GNAL: variants seen among roughly 807,000 people sequenced by gnomAD.
The protein encoded by GNAL is guanine nucleotide-binding protein G(olf) subunit alpha.
GNAL carries 18 observed loss-of-function variants against 55.1 expected under a neutral mutation model. The observed-to-expected ratio is 0.33, with a 90% confidence interval of 0.23 to 0.48. The LOEUF (loss-of-function observed/expected upper bound fraction) is 0.48, where lower values mean the gene tolerates loss of function less well. GNAL is among the 20% of genes least tolerant of loss of function. The pLI is 0.99. For missense variants in GNAL, 412 were observed against 614.1 expected (o/e 0.67, Z 3.48); for synonymous variants, 253 against 237.0 (o/e 1.07, Z -0.62).
chr18:11,819,053 C>T (rs2035028822), intron 4 of GNAL, among the ~76,000 whole-genome samples: 1 of 152,208 alleles, frequency 6.6e-6, no homozygotes, highest in Admixed American at 6.5e-5. Context: ...CGGCACCACA[C>T]TCACGTCAAG....
chr18:11,700,854 G>A (rs2031549549), intron 1 of GNAL, among the ~76,000 whole-genome samples: 1 of 152,196 alleles, frequency 6.6e-6, no homozygotes, highest in Non-Finnish European at 1.5e-5. Context: ...AGCATAAGAA[G>A]ACAATATTTT....
intron 7 of GNAL, 138 bp from the exon 8 acceptor site, chr18:11,867,030 G>A: frequency 2.8e-6 from 2 of 704,964 alleles, no homozygotes; most frequent in Non-Finnish European, 2.6e-6. Flanking sequence ...GAGTGATGGT[G>A]CAGGCCAGTG....
chr18:11,851,281 G>A (rs2035854655), intron 5 of GNAL: 3 of 500,998 alleles, frequency 6.0e-6, no homozygotes, highest in East Asian at 3.2e-5. Flanking sequence ...GAATCCCCCT[G>A]CATGCGCAGC....
chr18:11,689,850 A>T lies in GNAL; in HGVS notation c.287A>T (p.Lys96Met). The change falls in exon 1 of 12, where the codon AAG becomes ATG. Residue 96 changes from lysine to methionine, a missense_variant. Around this residue, in one of 5 missense-constraint regions of GNAL, gnomAD observed 228 missense variants for 194.8 expected, o/e 1.17. Transcript: ENST00000334049. ...GCGGCCAAGGAGCGCGAGGCGGTCA[A>T]GGAGGCGAGGAAAGTGAGCCGGGGC... ...REAAKEREAV[K>M]EARKVSRGID... 1 of 1,529,404 alleles carries T rather than the reference A, an allele frequency of 6.5e-7. No individual in the cohort carries two copies. Among genetic ancestry groups the T allele is most frequent in the Non-Finnish European group, 8.8e-7 (1 of 1,141,432 alleles). The allele number at this position is 1,529,404 out of a possible 1,614,324, so 94.7% of individuals were successfully genotyped here. A position where few individuals can be genotyped will look rare whatever the true frequency, so the allele number is the denominator to read the frequency against.
intron 1 of GNAL, among the ~76,000 whole-genome samples, chr18:11,730,528 C>T (rs964779469): frequency 2.0e-5 from 3 of 151,916 alleles, no homozygotes; most frequent in Non-Finnish European, 2.9e-5. Flanking sequence ...CTTTGGGAGG[C>T]CAACGCAGGT....
intron 4 of GNAL, among the ~76,000 whole-genome samples, chr18:11,776,683 G>A (rs2033793610): frequency 6.8e-6 from 1 of 147,468 alleles, no homozygotes; most frequent in Admixed American, 6.8e-5. Context: ...ACTCCAGCCT[G>A]GGCAACAGAG....
chr18:11,768,360 A>G (rs1369899768), intron 4 of GNAL, among the ~76,000 whole-genome samples: 3 of 152,158 alleles, frequency 2.0e-5, no homozygotes, highest in Admixed American at 1.3e-4. Flanking sequence ...CAGCACTTTC[A>G]GAGGCTGAGG....
chr18:11,746,217 C>T (rs1048169266), intron 1 of GNAL: 6 of 518,882 alleles, frequency 1.2e-5, no homozygotes, highest in African/African-American at 1.9e-5. Context: ...TAGGTACAAC[C>T]TCTGCATGCC....
chr18:11,779,136 T>C (rs1021316812), intron 4 of GNAL, among the ~76,000 whole-genome samples: 11 of 152,060 alleles, frequency 7.2e-5, no homozygotes, highest in African/African-American at 2.7e-4. Flanking sequence ...GTGGCATTCA[T>C]AGAGTGGAGA....
chr18:11,754,996 GT>G lies in GNAL; in HGVS notation c.624+1052del, dbSNP rs1568011914. Among the ~76,000 whole-genome samples, 269 of 75,392 alleles carry G rather than the reference GT, an allele frequency of 3.6e-3. 2 individuals carry two copies. Among genetic ancestry groups the G allele is most frequent in the Middle Eastern group, 0.011 (2 of 176 alleles). 49.5% of individuals were successfully genotyped at this position (75,392 alleles called of 152,430 possible). On this transcript the variant is annotated intron_variant, in intron 4 of 11. Coordinates refer to ENST00000334049, the MANE Select transcript of GNAL (RefSeq NM_182978.4). The stretch of plus-strand genomic sequence containing the variant: ...GTTACAGTGCACCAGAAGTGAGTGT[GT>G]ATGTGTGTGTGTGTGTGTGTGTGTG...
At chr18:11,753,464 T>G in intron 2 of GNAL, 164 bp from the exon 3 acceptor site, 1 of 565,904 alleles carries the variant, frequency 1.8e-6, no homozygotes. Flanking sequence ...AAGGGTGCTT[T>G]CCTTTCCCAG....
intron 5 of GNAL, among the ~76,000 whole-genome samples, chr18:11,838,573 G>C (rs1598418609): frequency 6.6e-6 from 1 of 152,122 alleles, no homozygotes; most frequent in South Asian, 2.1e-4. Flanking sequence ...GCTTTACTTG[G>C]ACACTTCAGT....
chr18:11,831,184 G>A (rs926698406), intron 5 of GNAL, among the ~76,000 whole-genome samples: 1 of 152,134 alleles, frequency 6.6e-6, no homozygotes, highest in Non-Finnish European at 1.5e-5. Context: ...AAAAATGACA[G>A]GAGAGGGAAG....
chr18:11,828,529 C>T (rs550030031), intron 5 of GNAL, among the ~76,000 whole-genome samples: 5 of 152,212 alleles, frequency 3.3e-5, no homozygotes, highest in Admixed American at 2.6e-4. Flanking sequence ...ATTCATACAC[C>T]TCTGCATTTG....
chr18:11,816,838 A>G (rs2034970527), intron 4 of GNAL, among the ~76,000 whole-genome samples: 1 of 152,022 alleles, frequency 6.6e-6, no homozygotes, highest in South Asian at 2.1e-4. Context: ...AAAAAGGAAC[A>G]AACTGTTAAT....
At chr18:11,711,016 C>T (rs1381337421) in intron 1 of GNAL, among the ~76,000 whole-genome samples, 2 of 152,138 alleles carry the variant, frequency 1.3e-5, no homozygotes, top group Non-Finnish European at 2.9e-5. Flanking sequence ...GCTGTGTCTA[C>T]AGGCGCCTGC....
intron 1 of GNAL, among the ~76,000 whole-genome samples, chr18:11,744,944 C>T (rs1400383678): frequency 6.6e-6 from 1 of 152,150 alleles, no homozygotes; most frequent in Non-Finnish European, 1.5e-5. Flanking sequence ...CTCCGGAGCT[C>T]AGGCAATCTG....
chr18:11,838,190 A>G (rs1436361140), intron 5 of GNAL, among the ~76,000 whole-genome samples: 1 of 152,170 alleles, frequency 6.6e-6, no homozygotes, highest in Non-Finnish European at 1.5e-5. Flanking sequence ...ACAAAATGTG[A>G]CGCATCCACA....
intron 1 of GNAL, among the ~76,000 whole-genome samples, chr18:11,704,875 CAT>C (rs897579952): frequency 2.0e-5 from 3 of 152,094 alleles, no homozygotes; most frequent in African/African-American, 7.2e-5. Flanking sequence ...TTAGTTTTGA[CAT>C]GTGTATACAC....
Sources: gnomAD v4.1 joint callset for allele counts (sites outside exome capture counted in the v4.1 genomes callset) on GRCh38, gnomAD v4.1.1 for gene constraint, gnomAD v4.1.1 regional missense constraint, MANE v1.5 for transcripts, NCBI Gene and HGNC (gene_info 2026-07-23, HGNC 2026-07-21) for gene names.